TBC1D32: variants seen among roughly 807,000 people sequenced by gnomAD.
TBC1D32 encodes protein broad-minded.
A neutral mutation model predicts 170.3 loss-of-function variants in TBC1D32; 151 were observed. That is an observed-to-expected ratio of 0.89 (90% CI 0.78 to 1.01). TBC1D32 has a LOEUF of 1.01. Ranked by LOEUF, TBC1D32 falls within the 50% of genes least tolerant of loss-of-function variation. The probability of loss-of-function intolerance (pLI) is 0.00; values close to 1 mark genes in which losing one functional copy is unlikely to be tolerated. For synonymous variants in TBC1D32, 498 were observed against 488.0 expected, an observed-to-expected ratio of 1.02 and a Z score of -0.27; for missense variants, 1,464 against 1,457.1, an observed-to-expected ratio of 1.00 and a Z score of -0.08.
At chr6:121,191,332 C>T (rs1300094064) in intron 22 of TBC1D32, among the ~76,000 whole-genome samples, 1 of 152,134 alleles carries the variant, frequency 6.6e-6, no homozygotes. Flanking sequence ...TTTCTGTCTG[C>T]TATCAAAATC....
chr6:121,162,199 T>A (rs886253456), intron 22 of TBC1D32, among the ~76,000 whole-genome samples: 1 of 152,208 alleles, frequency 6.6e-6, no homozygotes, highest in Non-Finnish European at 1.5e-5. Context: ...TTAGTCTAAT[T>A]AGATCCCATT....
intron 17 of TBC1D32, among the ~76,000 whole-genome samples, chr6:121,251,872 C>T (rs1223734203): frequency 6.6e-6 from 1 of 152,026 alleles, no homozygotes; most frequent in Admixed American, 6.6e-5. Context: ...AAAACAACCC[C>T]ATCAAAAAGT....
intron 21 of TBC1D32, among the ~76,000 whole-genome samples, chr6:121,212,860 G>C (rs183640666): frequency 6.6e-6 from 1 of 152,214 alleles, no homozygotes; most frequent in African/African-American, 2.4e-5. Context: ...CCACCATCAG[G>C]TAGGCTTTAC....
At chr6:121,122,211 C>G (rs1448182645) in intron 26 of TBC1D32, among the ~76,000 whole-genome samples, 1 of 151,974 alleles carries the variant, frequency 6.6e-6, no homozygotes, top group East Asian at 1.9e-4. Flanking sequence ...CCAAAAACTT[C>G]TCACCGTCTC....
intron 10 of TBC1D32, among the ~76,000 whole-genome samples, chr6:121,298,937 C>T (rs1806049472): frequency 6.6e-6 from 1 of 152,040 alleles, no homozygotes; most frequent in South Asian, 2.1e-4. Flanking sequence ...TAATTATTTT[C>T]AGTACCCTTA....
At chr6:121,236,562 G>T (rs1290076686) in intron 20 of TBC1D32, among the ~76,000 whole-genome samples, 1 of 152,096 alleles carries the variant, frequency 6.6e-6, no homozygotes, top group Non-Finnish European at 1.5e-5. Flanking sequence ...CTAGAAGCTG[G>T]ACTCTAGGGC....
intron 15 of TBC1D32, among the ~76,000 whole-genome samples, chr6:121,263,801 A>G (rs1800087109): frequency 6.6e-6 from 1 of 152,110 alleles, no homozygotes; most frequent in Non-Finnish European, 1.5e-5. Flanking sequence ...AACCACACAA[A>G]TACATCAAAA....
intron 22 of TBC1D32, among the ~76,000 whole-genome samples, chr6:121,161,702 G>T (rs1785685949): frequency 1.3e-5 from 2 of 152,184 alleles, no homozygotes; most frequent in Admixed American, 6.5e-5. Flanking sequence ...TATATACCCA[G>T]TAATGGGATT....
chr6:121,170,510 C>T, intron 22 of TBC1D32: 1 of 1,589,202 alleles, frequency 6.3e-7, no homozygotes. Context: ...CAGATCACAG[C>T]ATATCACACT....
At chr6:121,120,549 A>G (rs1050876867) in intron 26 of TBC1D32, among the ~76,000 whole-genome samples, 1 of 151,952 alleles carries the variant, frequency 6.6e-6, no homozygotes, top group Non-Finnish European at 1.5e-5. Context: ...ATTACTTCCC[A>G]ACTTAACCAT....
intron 12 of TBC1D32, among the ~76,000 whole-genome samples, chr6:121,288,997 C>T (rs985467154): frequency 6.6e-5 from 10 of 152,044 alleles, no homozygotes; most frequent in South Asian, 2.1e-4. Flanking sequence ...ATTGATGGGA[C>T]GTATCTCAAA....
At chr6:121,099,304 A>C (rs968720555) in intron 30 of TBC1D32, among the ~76,000 whole-genome samples, 2 of 151,938 alleles carry the variant, frequency 1.3e-5, no homozygotes, top group African/African-American at 4.8e-5. Flanking sequence ...CAGAAGATAA[A>C]ATTGGTCATA....
intron 22 of TBC1D32, among the ~76,000 whole-genome samples, chr6:121,170,861 C>T (rs76656105): frequency 0.052 from 7,842 of 151,954 alleles, 234 homozygotes; most frequent in African/African-American, 0.08. Context: ...CTCCAAATTG[C>T]CACAACTTTT....
intron 12 of TBC1D32, among the ~76,000 whole-genome samples, chr6:121,284,349 C>T (rs1164841220): frequency 6.6e-6 from 1 of 152,012 alleles, no homozygotes; most frequent in East Asian, 1.9e-4. Context: ...GATTTTGTGG[C>T]CAAATGGTCT....
At chr6:121,326,736 G>A (rs1190274463) in intron 1 of TBC1D32, among the ~76,000 whole-genome samples, 1 of 151,594 alleles carries the variant, frequency 6.6e-6, no homozygotes, top group African/African-American at 2.4e-5. Context: ...CTTGTCTTAA[G>A]AGGTTACTGC....
At chr6:121,177,958 G>C (rs189274057) in intron 22 of TBC1D32, among the ~76,000 whole-genome samples, 2 of 152,158 alleles carry the variant, frequency 1.3e-5, no homozygotes, top group African/African-American at 4.8e-5. Flanking sequence ...CCCAAGACTG[G>C]GTAATTTATA....
intron 15 of TBC1D32, among the ~76,000 whole-genome samples, chr6:121,264,754 G>A (rs186060274): frequency 3.9e-5 from 6 of 152,232 alleles, no homozygotes; most frequent in Admixed American, 6.5e-5. Context: ...TGCAAGGCTG[G>A]TTCAACATAC....
chr6:121,238,122 G>A (rs934558843), intron 20 of TBC1D32, among the ~76,000 whole-genome samples: 16 of 152,110 alleles, frequency 1.1e-4, no homozygotes, highest in African/African-American at 3.9e-4. Context: ...AGTTTGGAGT[G>A]TCCCCTCTGT....
intron 12 of TBC1D32, among the ~76,000 whole-genome samples, chr6:121,288,892 A>G (rs1374089210): frequency 1.3e-5 from 2 of 152,178 alleles, no homozygotes; most frequent in African/African-American, 4.8e-5. Context: ...AACAGAACCA[A>G]CGACAAAAAC....
Sources: allele counts gnomAD v4.1 joint callset (sites outside exome capture counted in the v4.1 genomes callset), GRCh38; gene constraint gnomAD v4.1.1; transcripts MANE v1.5; gene names NCBI Gene and HGNC (gene_info 2026-07-23, HGNC 2026-07-21).